The following ZNF385D variants were observed in gnomAD, a reference collection of about 807,000 sequenced individuals.
The protein encoded by ZNF385D is zinc finger protein 659.
A neutral mutation model predicts 35.8 loss-of-function variants in ZNF385D; 15 were observed. The ratio of observed to expected loss-of-function variants is 0.42; its 90% CI spans 0.28 to 0.64. The LOEUF (loss-of-function observed/expected upper bound fraction) is 0.64, where lower values mean the gene tolerates loss of function less well. Ranked by LOEUF, ZNF385D falls within the 30% of genes least tolerant of loss-of-function variation. The pLI is 0.23. For missense variants in ZNF385D, 474 were observed against 494.6 expected, an observed-to-expected ratio of 0.96 and a Z score of 0.39; for synonymous variants, 212 against 186.8, an observed-to-expected ratio of 1.13 and a Z score of -1.10.
chr3:21,719,489 C>T lies in ZNF385D; in HGVS notation c.22+31406G>A, dbSNP rs115899446. 3.3e-3 allele frequency among the ~76,000 whole-genome samples: 499 copies of T among 152,266 alleles called. 5 individuals carry two copies. The highest frequency in any genetic ancestry group is 0.012 in the African/African-American group (480 of 41,538). On this transcript the variant is annotated intron_variant, in intron 1 of 7. Transcript: ENST00000281523. ...TAGGGAATTTCCTCTGGAGAGAGCA[C>T]GCGCACTTTAATTTTACCGATCCTC...
At chr3:22,019,816 T>G (rs1037546410) in intron 3 of ZNF385D, among the ~76,000 whole-genome samples, 1 of 151,784 alleles carries the variant, frequency 6.6e-6, no homozygotes, top group Non-Finnish European at 1.5e-5. Flanking sequence ...TGAAAATTAT[T>G]GAGAACCTTG....
intron 3 of ZNF385D, among the ~76,000 whole-genome samples, chr3:21,976,714 C>G (rs1215660554): frequency 6.6e-6 from 1 of 152,176 alleles, no homozygotes; most frequent in African/African-American, 2.4e-5. Context: ...AATAAACCAG[C>G]TGGGCAGGTG....
At chr3:22,326,363 G>A (rs1694678291) in intron 2 of ZNF385D, among the ~76,000 whole-genome samples, 1 of 152,316 alleles carries the variant, frequency 6.6e-6, no homozygotes, top group Non-Finnish European at 1.5e-5. Flanking sequence ...AGGTAGAGAA[G>A]AGGAAACACT....
chr3:22,256,487 A>G (rs1257307786), intron 2 of ZNF385D, among the ~76,000 whole-genome samples: 1 of 151,742 alleles, frequency 6.6e-6, no homozygotes, highest in Non-Finnish European at 1.5e-5. Flanking sequence ...TCTTTCAGAT[A>G]GTTCTTTTCC....
intron 3 of ZNF385D, among the ~76,000 whole-genome samples, chr3:22,036,945 G>C (rs1159780555): frequency 1.4e-5 from 2 of 142,522 alleles, no homozygotes; most frequent in African/African-American, 5.3e-5. Flanking sequence ...TCCCACCTAT[G>C]AGTGAGAACA....
chr3:22,127,304 T>C (rs1703490183), intron 3 of ZNF385D, among the ~76,000 whole-genome samples: 1 of 146,266 alleles, frequency 6.8e-6, no homozygotes, highest in South Asian at 2.2e-4. Flanking sequence ...TGGTAGTATG[T>C]TTTCATTTCC....
intron 2 of ZNF385D, among the ~76,000 whole-genome samples, chr3:21,600,880 T>TAAA (rs5847117): frequency 0.38 from 58,214 of 151,228 alleles, 12,078 homozygotes; most frequent in African/African-American, 0.55. Flanking sequence ...AATTTAAAAA[T>TAAA]AATAAGTCAA....
chr3:21,545,904 A>G (rs2062354509), intron 3 of ZNF385D, among the ~76,000 whole-genome samples: 1 of 152,198 alleles, frequency 6.6e-6, no homozygotes, highest in African/African-American at 2.4e-5. Context: ...ATGCAAACCC[A>G]TGGTTGGGCT....
intron 3 of ZNF385D, among the ~76,000 whole-genome samples, chr3:22,071,221 C>A (rs929462405): frequency 6.6e-6 from 1 of 152,128 alleles, no homozygotes; most frequent in Non-Finnish European, 1.5e-5. Context: ...ATTTGACATA[C>A]AAATAATATC....
chr3:22,236,250 C>T (rs917008774), intron 2 of ZNF385D, among the ~76,000 whole-genome samples: 1 of 152,002 alleles, frequency 6.6e-6, no homozygotes. Flanking sequence ...CATATGTATA[C>T]ACATATATAT....
chr3:21,762,524 G>A (rs2070664234), intron 3 of ZNF385D, among the ~76,000 whole-genome samples: 1 of 152,058 alleles, frequency 6.6e-6, no homozygotes, highest in African/African-American at 2.4e-5. Flanking sequence ...TTTATCACTT[G>A]GATCTTACTA....
chr3:22,084,781 C>G (rs1700938870), intron 3 of ZNF385D, among the ~76,000 whole-genome samples: 1 of 152,210 alleles, frequency 6.6e-6, no homozygotes, highest in Non-Finnish European at 1.5e-5. Context: ...ACATTCTTCT[C>G]AGCACCACAT....
intron 4 of ZNF385D, among the ~76,000 whole-genome samples, chr3:21,473,751 G>A (rs760508718): frequency 1.8e-4 from 27 of 151,954 alleles, no homozygotes; most frequent in Non-Finnish European, 2.9e-4. Flanking sequence ...TGGGCTGAAC[G>A]TCTTTGGAAT....
At chr3:22,138,231 G>A (rs74723790) in intron 3 of ZNF385D, among the ~76,000 whole-genome samples, 19,594 of 152,044 alleles carry the variant, frequency 0.13, 1,342 homozygotes, top group Middle Eastern at 0.17. Context: ...CATGAAAATG[G>A]CCATACTGCC....
In ZNF385D at chr3:21,866,804, T is replaced by A. The variant is rs181765554; in HGVS notation, c.326-201776A>T. On this transcript the variant is annotated intron_variant, in intron 3 of 5. Coordinates refer to the ZNF385D transcript ENST00000494108. Reference sequence around the variant, plus strand: ...TGCTTTTATCAATATATTCTTTAAATCAATAATTAGAATCATCAGGTAGTG... The same window carrying A: ...TGCTTTTATCAATATATTCTTTAAAACAATAATTAGAATCATCAGGTAGTG... Among the ~76,000 whole-genome samples, 338 of 152,244 alleles carry A rather than the reference T, an allele frequency of 2.2e-3. 4 individuals carry two copies. Among genetic ancestry groups the A allele is most frequent in the African/African-American group, 7.7e-3 (318 of 41,560 alleles).
chr3:21,793,659 T>C (rs1156837127), intron 3 of ZNF385D, among the ~76,000 whole-genome samples: 1 of 152,196 alleles, frequency 6.6e-6, no homozygotes, highest in African/African-American at 2.4e-5. Context: ...ACAAGTCAAG[T>C]TGTAAAGCGA....
intron 3 of ZNF385D, among the ~76,000 whole-genome samples, chr3:21,776,360 C>T (rs1188096948): frequency 2.0e-5 from 3 of 151,858 alleles, no homozygotes; most frequent in Non-Finnish European, 4.4e-5. Flanking sequence ...CTCAAAAGAT[C>T]GTGCCAATTT....
chr3:21,735,124 T>C (rs188299564), intron 1 of ZNF385D, among the ~76,000 whole-genome samples: 2 of 152,300 alleles, frequency 1.3e-5, no homozygotes, highest in East Asian at 1.9e-4. Flanking sequence ...ATGCAAATAA[T>C]GGCAGGCTGG....
intron 3 of ZNF385D, among the ~76,000 whole-genome samples, chr3:22,160,136 C>T (rs1705852925): frequency 1.3e-5 from 2 of 152,044 alleles, no homozygotes; most frequent in African/African-American, 4.8e-5. Context: ...TTCCTGAGGC[C>T]TCCCCAGCCA....
Sources: allele counts gnomAD v4.1 joint callset (sites outside exome capture counted in the v4.1 genomes callset), GRCh38; gene constraint gnomAD v4.1.1; transcripts MANE v1.5; gene names NCBI Gene and HGNC (gene_info 2026-07-23, HGNC 2026-07-21).